Variants in PTPRD observed in about 807,000 individuals in gnomAD.
PTPRD encodes protein tyrosine phosphatase receptor type D.
PTPRD carries 34 observed loss-of-function variants against 214.5 expected under a neutral mutation model. The ratio of observed to expected loss-of-function variants is 0.16; its 90% CI spans 0.12 to 0.21. The LOEUF (loss-of-function observed/expected upper bound fraction) is 0.21. Ranked by LOEUF, PTPRD falls within the 10% of genes least tolerant of loss-of-function variation. PTPRD has a pLI of 1.00. For missense variants in PTPRD, 2,545 were observed against 2,398.7 expected (o/e 1.06, Z -1.27); for synonymous variants, 1,128 against 845.7 (o/e 1.33, Z -5.79).
intron 8 of PTPRD, among the ~76,000 whole-genome samples, chr9:9,412,991 C>A (rs185167625): frequency 6.6e-5 from 10 of 152,130 alleles, no homozygotes; most frequent in Admixed American, 6.6e-4. Flanking sequence ...TCATATTATA[C>A]CACAATGCAT....
chr9:9,452,157 T>C (rs190396671), intron 8 of PTPRD, among the ~76,000 whole-genome samples: 1 of 151,530 alleles, frequency 6.6e-6, no homozygotes, highest in East Asian at 1.9e-4. Flanking sequence ...ATATCACAAG[T>C]AACAAAATAG....
intron 8 of PTPRD, among the ~76,000 whole-genome samples, chr9:9,522,190 G>A (rs2096995213): frequency 1.4e-5 from 2 of 145,806 alleles, no homozygotes; most frequent in Admixed American, 6.9e-5. Context: ...GCTTAAATCA[G>A]TCTATAATTT....
At chr9:10,229,786 A>G (rs1473524853) in intron 3 of PTPRD, among the ~76,000 whole-genome samples, 1 of 151,912 alleles carries the variant, frequency 6.6e-6, no homozygotes, top group Non-Finnish European at 1.5e-5. Flanking sequence ...ACACCAACAT[A>G]GCACACGTAT....
chr9:10,352,014 A>G (rs2154458635), intron 2 of PTPRD, among the ~76,000 whole-genome samples: 1 of 152,162 alleles, frequency 6.6e-6, no homozygotes, highest in African/African-American at 2.4e-5. Flanking sequence ...CTATTTCATT[A>G]AGCTTCATTT....
chr9:10,381,183 T>C (rs1372398968), intron 2 of PTPRD, among the ~76,000 whole-genome samples: 1 of 152,000 alleles, frequency 6.6e-6, no homozygotes, highest in African/African-American at 2.4e-5. Flanking sequence ...GATTACTCAC[T>C]ATCTTTTTCT....
At chr9:10,363,671 C>T (rs1437552562) in intron 2 of PTPRD, among the ~76,000 whole-genome samples, 1 of 152,114 alleles carries the variant, frequency 6.6e-6, no homozygotes, top group Non-Finnish European at 1.5e-5. Context: ...AATGCAAAAT[C>T]ATCCACGTCA....
At chr9:9,635,839 C>T (rs996864732) in intron 7 of PTPRD, among the ~76,000 whole-genome samples, 1 of 152,152 alleles carries the variant, frequency 6.6e-6, no homozygotes, top group African/African-American at 2.4e-5. Context: ...ATCTACTTCT[C>T]TACATTTTCA....
chr9:9,453,725 C>T (rs144992644), intron 8 of PTPRD, among the ~76,000 whole-genome samples: 461 of 151,724 alleles, frequency 3.0e-3, no homozygotes, highest in African/African-American at 9.9e-3. Flanking sequence ...AGGTAAATTG[C>T]TTTAAATTAA....
chr9:8,744,130 G>C (rs557922152), intron 11 of PTPRD, among the ~76,000 whole-genome samples: 1 of 151,900 alleles, frequency 6.6e-6, no homozygotes, highest in African/African-American at 2.4e-5. Flanking sequence ...GGTCATAATC[G>C]AAAAAATATT....
chr9:8,793,031 G>A (rs1176651822), intron 11 of PTPRD, among the ~76,000 whole-genome samples: 3 of 152,250 alleles, frequency 2.0e-5, no homozygotes, highest in Middle Eastern at 3.4e-3. Context: ...AGAAGCTGGC[G>A]ACCTATGTAA....
chr9:8,335,069 A>G (rs546241011), intron 43 of PTPRD, among the ~76,000 whole-genome samples: 49 of 152,262 alleles, frequency 3.2e-4, no homozygotes, highest in Middle Eastern at 3.4e-3. Flanking sequence ...TACCAGAGGT[A>G]CAAAGAGGAG....
intron 4 of PTPRD, among the ~76,000 whole-genome samples, chr9:9,986,308 T>C (rs2095708727): frequency 6.6e-6 from 1 of 152,132 alleles, no homozygotes; most frequent in African/African-American, 2.4e-5. Context: ...CATTGTAGTA[T>C]TAGTATAATA....
intron 44 of PTPRD, among the ~76,000 whole-genome samples, chr9:8,323,595 A>C (rs1436193450): frequency 1.4e-5 from 2 of 144,536 alleles, no homozygotes; most frequent in African/African-American, 2.8e-5. Context: ...AAGAAATTGC[A>C]AAAATGGTGG....
intron 8 of PTPRD, among the ~76,000 whole-genome samples, chr9:9,492,772 T>G (rs745964925): frequency 1.3e-5 from 2 of 151,726 alleles, no homozygotes; most frequent in Non-Finnish European, 2.9e-5. Flanking sequence ...CAAGCAAGTC[T>G]ATAAATGCCA....
At chr9:9,039,369 C>A (rs2099632159) in intron 10 of PTPRD, among the ~76,000 whole-genome samples, 1 of 152,162 alleles carries the variant, frequency 6.6e-6, no homozygotes, top group African/African-American at 2.4e-5. Flanking sequence ...ATCTGCAGAT[C>A]TAATTCTGCA....
chr9:10,562,665 G>C (rs1049896347), intron 2 of PTPRD, among the ~76,000 whole-genome samples: 6 of 152,036 alleles, frequency 3.9e-5, no homozygotes, highest in Non-Finnish European at 8.8e-5. Context: ...AAACTGTAAT[G>C]TTAATTGTAA....
intron 2 of PTPRD, among the ~76,000 whole-genome samples, chr9:10,571,123 T>C (rs1483712460): frequency 6.6e-6 from 1 of 152,148 alleles, no homozygotes; most frequent in East Asian, 1.9e-4. Context: ...ATGCAGCATA[T>C]TTTGTTTTTT....
chr9:10,268,982 C>A (rs1335461930), intron 3 of PTPRD, among the ~76,000 whole-genome samples: 1 of 152,172 alleles, frequency 6.6e-6, no homozygotes, highest in African/African-American at 2.4e-5. Flanking sequence ...TAGCGCCCTC[C>A]AGTGTCACAA....
intron 7 of PTPRD, among the ~76,000 whole-genome samples, chr9:9,637,217 T>C (rs1047666563): frequency 6.6e-6 from 1 of 152,140 alleles, no homozygotes; most frequent in Non-Finnish European, 1.5e-5. Flanking sequence ...AATACCTTCA[T>C]TTCACCCTGA....
Sources: gnomAD v4.1 joint callset for allele counts (sites outside exome capture counted in the v4.1 genomes callset) on GRCh38, gnomAD v4.1.1 for gene constraint, MANE v1.5 for transcripts, NCBI Gene and HGNC (gene_info 2026-07-23, HGNC 2026-07-21) for gene names.